Variants in PRELID2 observed in about 807,000 individuals in gnomAD.
PRELID2 encodes the protein PRELI domain-containing protein 2.
A neutral mutation model predicts 28.4 loss-of-function variants in PRELID2; 25 were observed. The ratio of observed to expected loss-of-function variants is 0.88; its 90% CI spans 0.64 to 1.23. PRELID2 has a LOEUF of 1.23. PRELID2 is among the 50% of genes most tolerant of loss of function. The probability of loss-of-function intolerance (pLI) is 0.00; values close to 1 mark genes in which losing one functional copy is unlikely to be tolerated. For missense variants in PRELID2, 201 were observed against 214.4 expected (o/e 0.94, Z 0.39); for synonymous variants, 76 against 71.6 (o/e 1.06, Z -0.31).
intron 1 of PRELID2, among the ~76,000 whole-genome samples, chr5:145,540,039 G>A (rs1752733089): frequency 6.6e-6 from 1 of 151,778 alleles, no homozygotes; most frequent in African/African-American, 2.4e-5. Context: ...AAAAGTAAGT[G>A]AAAATATACC....
chr5:145,341,318 G>A, the PRELID2 span, among the ~76,000 whole-genome samples: 1 of 152,064 alleles, frequency 6.6e-6, no homozygotes, highest in African/African-American at 2.4e-5. Context: ...AAGATGCTTG[G>A]TGAGGTACAA....
chr5:145,229,182 G>T, the PRELID2 span: 9 of 893,518 alleles, frequency 1.0e-5, no homozygotes, highest in Non-Finnish European at 1.7e-5. Flanking sequence ...AAAGGGGAAC[G>T]ATCAGGTCCA....
intron 1 of PRELID2, among the ~76,000 whole-genome samples, chr5:145,720,417 C>T (rs1414408539): frequency 6.6e-6 from 1 of 150,926 alleles, no homozygotes; most frequent in Non-Finnish European, 1.5e-5. Flanking sequence ...TTCTCAAGAG[C>T]AACATACAGA....
chr5:145,813,926 T>C (rs544572839), intron 4 of PRELID2, among the ~76,000 whole-genome samples: 109 of 152,294 alleles, frequency 7.2e-4, no homozygotes, highest in Middle Eastern at 6.8e-3. Context: ...AGTGGGAAAA[T>C]ATGTAATCAT....
the PRELID2 span, among the ~76,000 whole-genome samples, chr5:145,371,001 T>C: frequency 2.6e-5 from 4 of 152,104 alleles, no homozygotes; most frequent in Non-Finnish European, 5.9e-5. Flanking sequence ...GCTTACCAGT[T>C]TAAGGAGTTT....
At chr5:145,285,310 G>A in the PRELID2 span, among the ~76,000 whole-genome samples, 4 of 152,132 alleles carry the variant, frequency 2.6e-5, no homozygotes, top group Non-Finnish European at 5.9e-5. Context: ...TAGGACTAGG[G>A]CAGATGCTTA....
chr5:145,833,571 T>C (rs1755744895), intron 1 of PRELID2, among the ~76,000 whole-genome samples: 1 of 152,210 alleles, frequency 6.6e-6, no homozygotes, highest in Admixed American at 6.5e-5. Context: ...TAGGCACTAG[T>C]CTAGATACTG....
At chr5:145,430,847 T>A in the PRELID2 span, among the ~76,000 whole-genome samples, 730 of 152,088 alleles carry the variant, frequency 4.8e-3, 6 homozygotes, top group African/African-American at 0.017. Context: ...ATTTTCACTT[T>A]GTCCTGAACC....
chr5:145,440,378 T>G, the PRELID2 span, among the ~76,000 whole-genome samples: 1 of 152,110 alleles, frequency 6.6e-6, no homozygotes. Flanking sequence ...GGACTCAATT[T>G]GAAGATTTCC....
chr5:145,277,561 T>C, the PRELID2 span, among the ~76,000 whole-genome samples: 6,762 of 152,238 alleles, frequency 0.044, 474 homozygotes, highest in African/African-American at 0.15. Context: ...GCTACACCCA[T>C]AACTGTGGCT....
chr5:145,666,239 G>T lies in PRELID2; in HGVS notation n.70+98692C>A, dbSNP rs555291922. ...TCTTTCCTAATTGTTTCAATAGAAGGTCCAGATGTGAGTCTTATTTGTCTG... is the reference window on the plus strand; with the variant it reads ...TCTTTCCTAATTGTTTCAATAGAAGTTCCAGATGTGAGTCTTATTTGTCTG... On this transcript the variant is annotated intron_variant and non_coding_transcript_variant, in intron 1 of 2. Coordinates refer to the PRELID2 transcript ENST00000510259. Among the ~76,000 whole-genome samples, 5 of 152,150 alleles carry T rather than the reference G, an allele frequency of 3.3e-5. No individual in the cohort carries two copies. In the South Asian group the frequency reaches 1.0e-3, roughly 32 times the overall value.
intron 1 of PRELID2, among the ~76,000 whole-genome samples, chr5:145,702,009 C>A (rs554781248): frequency 6.6e-6 from 1 of 151,890 alleles, no homozygotes; most frequent in South Asian, 2.1e-4. Context: ...TGAGATCATG[C>A]CATTGCACTC....
At chr5:145,418,046 G>T in the PRELID2 span, among the ~76,000 whole-genome samples, 1 of 152,152 alleles carries the variant, frequency 6.6e-6, no homozygotes, top group African/African-American at 2.4e-5. Context: ...CTTCAGCAAA[G>T]TCTCAGGACA....
the PRELID2 span, among the ~76,000 whole-genome samples, chr5:145,313,030 A>C: frequency 1.3e-5 from 2 of 152,162 alleles, no homozygotes; most frequent in Non-Finnish European, 2.9e-5. Flanking sequence ...AAAAAATTCT[A>C]AAATTCATAT....
intron 1 of PRELID2, among the ~76,000 whole-genome samples, chr5:145,576,415 AG>A (rs2149621554): frequency 6.6e-6 from 1 of 152,262 alleles, no homozygotes; most frequent in Non-Finnish European, 1.5e-5. Flanking sequence ...CACGTTTTCA[AG>A]GCTCATCCAT....
intron 1 of PRELID2, among the ~76,000 whole-genome samples, chr5:145,526,102 C>T (rs1358755589): frequency 6.6e-6 from 1 of 152,200 alleles, no homozygotes; most frequent in Non-Finnish European, 1.5e-5. Context: ...AAAAGCCAGT[C>T]ATTAACTGAG....
intron 1 of PRELID2, among the ~76,000 whole-genome samples, chr5:145,589,140 G>C (rs1287586574): frequency 6.6e-6 from 1 of 152,072 alleles, no homozygotes; most frequent in Non-Finnish European, 1.5e-5. Context: ...TTCTCTGTGT[G>C]CCTAACCTTA....
intron 1 of PRELID2, among the ~76,000 whole-genome samples, 163 bp from the exon 2 acceptor site, chr5:145,823,297 G>A (rs1289258041): frequency 6.6e-6 from 1 of 152,176 alleles, no homozygotes; most frequent in East Asian, 1.9e-4. Context: ...CTTGGGCCTA[G>A]ATAAGTGAGA....
chr5:145,659,597 G>A (rs1455179510), intron 1 of PRELID2, among the ~76,000 whole-genome samples: 2 of 152,156 alleles, frequency 1.3e-5, no homozygotes, highest in African/African-American at 4.8e-5. Flanking sequence ...GGGAAGGCAT[G>A]GTGGGAAAGG....
Sources: gnomAD v4.1 joint callset for allele counts (sites outside exome capture counted in the v4.1 genomes callset) on GRCh38, gnomAD v4.1.1 for gene constraint, MANE v1.5 for transcripts, NCBI Gene and HGNC (gene_info 2026-07-23, HGNC 2026-07-21) for gene names.